Variants in ZNF157 observed in about 807,000 individuals in gnomAD.
The protein encoded by ZNF157 is zinc finger protein 157.
In ZNF157, 8 loss-of-function variants were observed where a neutral mutation model predicts 9.4. That is an observed-to-expected ratio of 0.85 (90% confidence interval 0.50 to 1.53). The LOEUF is 1.53. Among genes scored for constraint, ZNF157 ranks in the 40% most tolerant of loss-of-function variants. ZNF157 has a pLI of 0.00. For synonymous variants in ZNF157, 120 were observed against 130.8 expected (o/e 0.92, Z 0.56); for missense variants, 316 against 385.2 (o/e 0.82, Z 1.50).
intron 1 of ZNF157, among the ~76,000 whole-genome samples, chrX:47,380,441 C>T (rs1047502909): frequency 9.0e-6 from 1 of 111,512 alleles, no homozygotes; most frequent in Non-Finnish European, 1.9e-5. Context: ...GTGGGCTGTC[C>T]GCATGTGCTG....
chrX:47,381,994 C>T (rs775222184), intron 1 of ZNF157, among the ~76,000 whole-genome samples: 7 of 111,676 alleles, frequency 6.3e-5, no homozygotes, highest in East Asian at 2.8e-4. Context: ...TGATTCGGTT[C>T]GGAAAGGCGG....
Position 47,412,986 on chromosome X carries a change from G to A in ZNF157, c.913G>A (p.Gly305Arg), listed in dbSNP as rs2055970634. 7.4e-6 allele frequency: 9 copies of A among 1,209,799 alleles called. No homozygotes were observed. The highest frequency in any genetic ancestry group is 7.8e-6 in the Non-Finnish European group (7 of 894,569). The change falls in exon 4 of 4, where the codon GGG becomes AGG. Residue 305 changes from glycine (G) to arginine (R), a missense_variant. Physicochemically the swap from Gly to Arg is moderately radical, Grantham distance 125. Transcript: ENST00000377073. ...TACAGGGGAGAAACCTTATGAATGT[G>A]GGGAGTGTGGGAAAAACTTCCGTGC... ...THTGEKPYEC[G>R]ECGKNFRAKK...
chrX:47,410,477 C>T lies in ZNF157; in HGVS notation c.199+75C>T, dbSNP rs188019160. ...GGTTGCTGTAACATGTGCAGCCTTG[C>T]GAGGGTTTAATGATATTAAGAGTCA... On this transcript the variant is annotated intron_variant, in intron 2 of 3. Coordinates refer to ENST00000377073, the MANE Select transcript of ZNF157 (RefSeq NM_003446.4). 3,302 of 1,141,442 alleles carry T rather than the reference C, an allele frequency of 2.9e-3. 10 individuals are homozygous for T. Among genetic ancestry groups the T allele is most frequent in the Non-Finnish European group, 3.3e-3 (2,747 of 844,901 alleles). The allele number at this position is 1,141,442 out of a possible 1,213,427, so 94.1% of individuals were successfully genotyped here.
chrX:47,411,298 AT>A (rs2055964138), intron 3 of ZNF157, among the ~76,000 whole-genome samples: 1 of 109,648 alleles, frequency 9.1e-6, no homozygotes, highest in East Asian at 2.9e-4. Flanking sequence ...CTTTATCTTG[AT>A]TTTTAAGTTA....
chrX:47,378,234 T>A (rs67759625), intron 1 of ZNF157, among the ~76,000 whole-genome samples: 39,492 of 109,421 alleles, frequency 0.36, 5,572 homozygotes, highest in African/African-American at 0.49. Flanking sequence ...GCTGAGTCAG[T>A]GCCTGGGTGG....
At position 47,413,428 on chromosome X, in the gene ZNF157, A is replaced by G. The variant is rs1452135934; in HGVS notation, c.1355A>G (p.Tyr452Cys). 16 of 1,210,046 alleles carry G rather than the reference A, an allele frequency of 1.3e-5. No individual in the cohort carries two copies. The highest frequency in any genetic ancestry group is 1.8e-5 in the Non-Finnish European group (16 of 895,154). The change falls in exon 4 of 4, where the codon TAT becomes TGT. Residue 452 changes from tyrosine (Y) to cysteine (C), a missense_variant. Physicochemically the swap from Tyr to Cys is radical, Grantham distance 194. Around this residue, in one of 3 missense-constraint regions of ZNF157, gnomAD observed 167 missense variants for 183.6 expected, o/e 0.91. Coordinates refer to ENST00000377073, the MANE Select transcript of ZNF157 (RefSeq NM_003446.4). ...YECSECGNAFYVKVRLIEHQR... is the reference protein window; with the variant it reads ...YECSECGNAFCVKVRLIEHQR... ...TGTAGTGAATGTGGAAATGCCTTCT[A>G]TGTGAAAGTACGCCTCATTGAACAT...
intron 1 of ZNF157, among the ~76,000 whole-genome samples, chrX:47,406,674 C>T (rs1340376791): frequency 8.9e-6 from 1 of 112,330 alleles, no homozygotes; most frequent in Non-Finnish European, 1.9e-5. Context: ...TATGCCCGGC[C>T]GAAACATGAT....
At chrX:47,401,585 T>G (rs1345678807) in intron 1 of ZNF157, among the ~76,000 whole-genome samples, 1 of 111,870 alleles carries the variant, frequency 8.9e-6, no homozygotes, top group African/African-American at 3.2e-5. Flanking sequence ...CAGTTCATTT[T>G]TTTCTTGCTT....
chrX:47,400,411 C>T (rs187659747), intron 1 of ZNF157, among the ~76,000 whole-genome samples: 4 of 111,080 alleles, frequency 3.6e-5, no homozygotes, highest in African/African-American at 9.8e-5. Flanking sequence ...CCTCCCAAGT[C>T]GGCTTCCCAA....
chrX:47,403,131 G>T (rs1407076409), intron 1 of ZNF157, among the ~76,000 whole-genome samples: 1 of 107,226 alleles, frequency 9.3e-6, no homozygotes, highest in Non-Finnish European at 1.9e-5. Flanking sequence ...ACACAAATTA[G>T]CTGGGTGTGG....
chrX:47,398,114 C>A (rs768431553), intron 1 of ZNF157, among the ~76,000 whole-genome samples: 2 of 110,989 alleles, frequency 1.8e-5, no homozygotes, highest in South Asian at 7.7e-4. Context: ...ACTCTCCTGC[C>A]TCAGCCTCCT....
chrX:47,381,942 GATAC>G (rs2055864610), intron 1 of ZNF157, among the ~76,000 whole-genome samples: 1 of 111,979 alleles, frequency 8.9e-6, no homozygotes, highest in African/African-American at 3.2e-5. Context: ...GCACTCAGGA[GATAC>G]TGAGAACAGG....
At chrX:47,389,376 G>A (rs1479155134) in intron 1 of ZNF157, among the ~76,000 whole-genome samples, 2 of 104,749 alleles carry the variant, frequency 1.9e-5, no homozygotes, top group Admixed American at 2.1e-4. Flanking sequence ...CCAAGACAGA[G>A]TCTTGCTCTG....
chrX:47,399,995 C>CTT (rs35568461), intron 1 of ZNF157, among the ~76,000 whole-genome samples: 11 of 72,639 alleles, frequency 1.5e-4, no homozygotes, highest in African/African-American at 2.1e-4. Flanking sequence ...TTCTCTCTCT[C>CTT]TTTTTTTTTT....
At chrX:47,403,253 G>A (rs976707208) in intron 1 of ZNF157, among the ~76,000 whole-genome samples, 11 of 110,325 alleles carry the variant, frequency 1.0e-4, no homozygotes, top group African/African-American at 3.6e-4. Flanking sequence ...CTCCAGCCTG[G>A]GCAACAAGAG....
intron 1 of ZNF157, among the ~76,000 whole-genome samples, chrX:47,403,767 T>C: frequency 8.9e-6 from 1 of 112,339 alleles, no homozygotes; most frequent in Non-Finnish European, 1.9e-5. Flanking sequence ...TTGACAAGGA[T>C]TTTAAAGCAG....
chrX:47,374,998 CTTTTTTTTTTTTTTTTTTTT>C (rs769541152), intron 1 of ZNF157, among the ~76,000 whole-genome samples: 3 of 24,995 alleles, frequency 1.2e-4, no homozygotes, highest in African/African-American at 1.5e-4. Context: ...GGCTGACAAT[CTTTTTTTTTTTTTTTTTTTT>C]TTTTTTTTTT....
chrX:47,410,131 C>A, intron 1 of ZNF157, 145 bp from the exon 2 acceptor site: 2 of 842,753 alleles, frequency 2.4e-6, no homozygotes, highest in South Asian at 4.6e-5. Flanking sequence ...ACCCCCCACC[C>A]CAAAAGTATA....
intron 1 of ZNF157, among the ~76,000 whole-genome samples, chrX:47,387,158 T>C (rs1452338642): frequency 1.9e-5 from 2 of 107,837 alleles, no homozygotes; most frequent in African/African-American, 3.4e-5. Context: ...GTTTCGCTCT[T>C]GTTGCCCAGG....
Sources: gnomAD v4.1 joint callset for allele counts (sites outside exome capture counted in the v4.1 genomes callset) on GRCh38, gnomAD v4.1.1 for gene constraint, gnomAD v4.1.1 regional missense constraint, MANE v1.5 for transcripts, NCBI Gene and HGNC (gene_info 2026-07-23, HGNC 2026-07-21) for gene names.